Variants in TTC28 observed in about 807,000 individuals in gnomAD.
The protein encoded by TTC28 is tetratricopeptide repeat protein 28.
In TTC28, 61 loss-of-function variants were observed where a neutral mutation model predicts 198.0. That is an observed-to-expected ratio of 0.31 (90% CI 0.25 to 0.38). TTC28 has a LOEUF of 0.38. Among genes scored for constraint, TTC28 ranks in the 10% least tolerant of loss-of-function variants. TTC28 has a pLI of 1.00. For missense variants in TTC28, 2,678 were observed against 3,164.0 expected (o/e 0.85, Z 3.69); for synonymous variants, 1,171 against 1,297.8 (o/e 0.90, Z 2.10).
chr22:28,239,528 G>C (rs1929507841), intron 5 of TTC28, among the ~76,000 whole-genome samples: 1 of 152,166 alleles, frequency 6.6e-6, no homozygotes, highest in Non-Finnish European at 1.5e-5. Flanking sequence ...ACCTGAGATA[G>C]GTGCTGCTAA....
At chr22:28,226,072 T>G (rs1207687457) in intron 5 of TTC28, among the ~76,000 whole-genome samples, 1 of 152,264 alleles carries the variant, frequency 6.6e-6, no homozygotes, top group Non-Finnish European at 1.5e-5. Flanking sequence ...TTCCAGTTTT[T>G]GGCTATTATA....
chr22:27,999,538 G>T, intron 15 of TTC28: 1 of 447,792 alleles, frequency 2.2e-6, no homozygotes, highest in Non-Finnish European at 4.0e-6. Flanking sequence ...TGATATGACA[G>T]AGTGGACAGA....
intron 5 of TTC28, among the ~76,000 whole-genome samples, chr22:28,218,024 T>A (rs1461823006): frequency 6.6e-6 from 1 of 152,222 alleles, no homozygotes; most frequent in Non-Finnish European, 1.5e-5. Flanking sequence ...ATATATATTT[T>A]TAAAAAACAG....
chr22:27,993,575 A>C, intron 17 of TTC28, 57 bp from the exon 18 acceptor site: 1 of 1,476,830 alleles, frequency 6.8e-7, no homozygotes, highest in African/African-American at 1.4e-5. Flanking sequence ...TTCCATCCGC[A>C]TGGCTTTGAG....
At chr22:28,467,323 C>T (rs1301740053) in intron 2 of TTC28, among the ~76,000 whole-genome samples, 1 of 152,134 alleles carries the variant, frequency 6.6e-6, no homozygotes, top group Non-Finnish European at 1.5e-5. Flanking sequence ...ATTCAGGAGG[C>T]TGAGGTGGGA....
At chr22:28,663,350 G>T (rs1276332330) in intron 1 of TTC28, among the ~76,000 whole-genome samples, 2 of 113,414 alleles carry the variant, frequency 1.8e-5, no homozygotes, top group African/African-American at 7.5e-5. Flanking sequence ...GAGCGACACA[G>T]AAGACGGGTG....
intron 5 of TTC28, among the ~76,000 whole-genome samples, chr22:28,253,405 T>C (rs1313566873): frequency 1.3e-5 from 2 of 152,088 alleles, no homozygotes; most frequent in African/African-American, 2.4e-5. Context: ...TAGGTGACAA[T>C]GAAATGTTAC....
intron 2 of TTC28, among the ~76,000 whole-genome samples, chr22:28,421,843 G>C (rs1048811610): frequency 6.6e-6 from 1 of 151,480 alleles, no homozygotes; most frequent in African/African-American, 2.4e-5. Flanking sequence ...GCTGAGGCAG[G>C]AGAATCACCT....
chr22:28,118,337 T>G (rs1419529446), intron 6 of TTC28, among the ~76,000 whole-genome samples: 1 of 151,720 alleles, frequency 6.6e-6, no homozygotes, highest in East Asian at 1.9e-4. Context: ...AGGCGGAGGT[T>G]GCAGCAAGCC....
intron 2 of TTC28, among the ~76,000 whole-genome samples, chr22:28,341,953 TG>T (rs2045838012): frequency 6.6e-6 from 1 of 152,110 alleles, no homozygotes; most frequent in Non-Finnish European, 1.5e-5. Context: ...AACTCCAGCC[TG>T]GGTAACAGAG....
At chr22:28,406,791 G>C (rs2047003729) in intron 2 of TTC28, among the ~76,000 whole-genome samples, 1 of 152,158 alleles carries the variant, frequency 6.6e-6, no homozygotes, top group South Asian at 2.1e-4. Flanking sequence ...TCTTAGACAA[G>C]AATCAGGACT....
intron 2 of TTC28, among the ~76,000 whole-genome samples, chr22:28,430,457 A>G (rs2047414581): frequency 1.3e-5 from 2 of 152,192 alleles, no homozygotes; most frequent in African/African-American, 4.8e-5. Context: ...TGAAGTTGGA[A>G]GAGCTTGGAA....
intron 2 of TTC28, among the ~76,000 whole-genome samples, chr22:28,362,153 C>A (rs1483833471): frequency 2.0e-5 from 3 of 152,156 alleles, no homozygotes; most frequent in African/African-American, 7.2e-5. Context: ...ATCCAAATCT[C>A]ATCTTCAATT....
chr22:28,401,573 C>A (rs996894516), intron 2 of TTC28, among the ~76,000 whole-genome samples: 1 of 152,048 alleles, frequency 6.6e-6, no homozygotes, highest in Non-Finnish European at 1.5e-5. Flanking sequence ...TGAGATCGCA[C>A]CACTGTACTC....
chr22:28,187,805 T>A (rs552045065), intron 5 of TTC28, among the ~76,000 whole-genome samples: 1 of 152,292 alleles, frequency 6.6e-6, no homozygotes, highest in African/African-American at 2.4e-5. Context: ...GGATACTTAA[T>A]AAAATCCTCT....
chr22:28,063,092 G>T lies in TTC28; in HGVS notation c.3932+30988C>A, dbSNP rs554040116. 2.0e-4 allele frequency among the ~76,000 whole-genome samples: 30 copies of T among 152,176 alleles called. No homozygotes were observed. In the South Asian group the frequency reaches 6.0e-3, roughly 31 times the overall value. ...AATGGAAAACTCAGTTTCTTGAATGGCACCTCAAATCTCAGTTTAGTTCTT... is the reference window on the plus strand; with the variant it reads ...AATGGAAAACTCAGTTTCTTGAATGTCACCTCAAATCTCAGTTTAGTTCTT... On this transcript the variant is annotated intron_variant, in intron 12 of 22. Transcript: ENST00000397906.
chr22:28,154,475 T>C (rs1943703649), intron 6 of TTC28, among the ~76,000 whole-genome samples: 1 of 151,866 alleles, frequency 6.6e-6, no homozygotes. Flanking sequence ...CCTCAGCCTC[T>C]GAGTAGCTGG....
At chr22:28,444,278 G>A (rs2047670317) in intron 2 of TTC28, among the ~76,000 whole-genome samples, 2 of 152,134 alleles carry the variant, frequency 1.3e-5, no homozygotes, top group African/African-American at 4.8e-5. Flanking sequence ...AGTAACTGAT[G>A]TACCAATGTT....
At chr22:28,326,975 A>AAC (rs57349023) in intron 2 of TTC28, among the ~76,000 whole-genome samples, 9,873 of 142,822 alleles carry the variant, frequency 0.069, 509 homozygotes, top group African/African-American at 0.17. Flanking sequence ...CACAAACACA[A>AAC]ACACACACAC....
Sources: allele counts gnomAD v4.1 joint callset (sites outside exome capture counted in the v4.1 genomes callset), GRCh38; gene constraint gnomAD v4.1.1; transcripts MANE v1.5; gene names NCBI Gene and HGNC (gene_info 2026-07-23, HGNC 2026-07-21).